The following SELENOF variants were observed in gnomAD, a reference collection of about 807,000 sequenced individuals.
SELENOF encodes selenoprotein F.
Under a neutral mutation model 20.5 loss-of-function variants are expected in SELENOF, and 16 were observed. That is an observed-to-expected ratio of 0.78 (90% CI 0.53 to 1.19). The LOEUF (loss-of-function observed/expected upper bound fraction) is 1.19, where lower values mean the gene tolerates loss of function less well. Ranked by LOEUF, SELENOF falls within the 50% of genes most tolerant of loss-of-function variation. SELENOF has a pLI of 0.00. For synonymous variants in SELENOF, 78 were observed against 74.5 expected (o/e 1.05, Z -0.24); for missense variants, 215 against 194.2 (o/e 1.11, Z -0.64).
intron 1 of SELENOF, among the ~76,000 whole-genome samples, chr1:86,903,794 A>G (rs1171264464): frequency 6.6e-6 from 1 of 152,012 alleles, no homozygotes; most frequent in Non-Finnish European, 1.5e-5. Flanking sequence ...GGGGGCCACG[A>G]TGGTCTTGAT....
At position 86,868,035 on chromosome 1, in the gene SELENOF, C is replaced by T; in HGVS notation, c.366+18G>A. 1 of 1,257,808 alleles carries T rather than the reference C, an allele frequency of 8.0e-7. No homozygotes were observed. The highest frequency in any genetic ancestry group is 1.1e-6 in the Non-Finnish European group (1 of 921,108). The allele number at this position is 1,257,808 out of a possible 1,614,324, so 77.9% of individuals were successfully genotyped here. A position where few individuals can be genotyped will look rare whatever the true frequency, so the allele number is the denominator to read the frequency against. ...AATTAAGGCTGGAAAAAAGAGATCT[C>T]CACTACAATCACCTTACCTTGATTT... On this transcript the variant is annotated intron_variant, in intron 4 of 4. Transcript: ENST00000331835.
At chr1:86,865,117 G>A (rs897709244) in intron 4 of SELENOF, among the ~76,000 whole-genome samples, 1 of 152,180 alleles carries the variant, frequency 6.6e-6, no homozygotes, top group Admixed American at 6.5e-5. Context: ...CCAGCAATGT[G>A]TATAAGGAAT....
chr1:86,873,655 A>G (rs1249178282), intron 3 of SELENOF, among the ~76,000 whole-genome samples: 1 of 152,108 alleles, frequency 6.6e-6, no homozygotes, highest in Non-Finnish European at 1.5e-5. Context: ...GTTCGAGACC[A>G]GCCTGACCAC....
At chr1:86,900,452 G>A (rs1036080039) in intron 2 of SELENOF, among the ~76,000 whole-genome samples, 2 of 152,236 alleles carry the variant, frequency 1.3e-5, no homozygotes, top group Non-Finnish European at 2.9e-5. Flanking sequence ...GTCAGGCGTG[G>A]CGGCACGCGC....
intron 1 of SELENOF, 43 bp from the exon 2 acceptor site, chr1:86,903,491 T>C: frequency 1.3e-6 from 2 of 1,498,470 alleles, no homozygotes; most frequent in Non-Finnish European, 1.8e-6. Context: ...TCCATATTTA[T>C]ACTACAAAGC....
intron 3 of SELENOF, among the ~76,000 whole-genome samples, chr1:86,871,168 A>G (rs1487556156): frequency 6.6e-6 from 1 of 152,244 alleles, no homozygotes; most frequent in Non-Finnish European, 1.5e-5. Flanking sequence ...GCATTCGATA[A>G]GCTACATGAG....
intron 2 of SELENOF, among the ~76,000 whole-genome samples, chr1:86,882,866 C>T (rs1420035798): frequency 6.6e-6 from 1 of 152,214 alleles, no homozygotes; most frequent in Non-Finnish European, 1.5e-5. Context: ...TGGCTCACGC[C>T]TGTAATTCCA....
chr1:86,883,125 C>CA (rs34608814), intron 2 of SELENOF, among the ~76,000 whole-genome samples: 1,576 of 95,982 alleles, frequency 0.016, 21 homozygotes, highest in African/African-American at 0.03. Flanking sequence ...AGACTTGTCT[C>CA]AAAAAAAAAA....
intron 4 of SELENOF, among the ~76,000 whole-genome samples, chr1:86,864,555 A>G (rs1296440065): frequency 1.3e-5 from 2 of 152,058 alleles, no homozygotes; most frequent in African/African-American, 4.8e-5. Flanking sequence ...TATATTCCCA[A>G]CCCATTTGTG....
intron 3 of SELENOF, among the ~76,000 whole-genome samples, chr1:86,870,726 C>T (rs939626027): frequency 6.6e-6 from 1 of 152,134 alleles, no homozygotes; most frequent in African/African-American, 2.4e-5. Context: ...TCACGCCATT[C>T]TCCTGCCTCA....
At chr1:86,909,563 G>A (rs1320010121) in intron 1 of SELENOF, among the ~76,000 whole-genome samples, 1 of 152,078 alleles carries the variant, frequency 6.6e-6, no homozygotes, top group Non-Finnish European at 1.5e-5. Flanking sequence ...CACAACGAAG[G>A]GAATATAAAA....
At chr1:86,901,210 G>A (rs1186427598) in intron 2 of SELENOF, among the ~76,000 whole-genome samples, 1 of 152,118 alleles carries the variant, frequency 6.6e-6, no homozygotes, top group Non-Finnish European at 1.5e-5. Flanking sequence ...CCAGAGTTGA[G>A]TGACACAGAA....
chr1:86,907,999 A>G (rs766912807), intron 1 of SELENOF, among the ~76,000 whole-genome samples: 1,349 of 94,358 alleles, frequency 0.014, 22 homozygotes, highest in African/African-American at 0.077. Context: ...AAAAAAAAAC[A>G]AAAAAAAAAA....
At chr1:86,900,463 C>T (rs1453807954) in intron 2 of SELENOF, among the ~76,000 whole-genome samples, 1 of 152,196 alleles carries the variant, frequency 6.6e-6, no homozygotes, top group Non-Finnish European at 1.5e-5. Context: ...CGGCACGCGC[C>T]TGCAATCGCA....
chr1:86,867,864 T>C (rs1658650281), intron 4 of SELENOF, among the ~76,000 whole-genome samples, 189 bp downstream of exon 4: 1 of 152,054 alleles, frequency 6.6e-6, no homozygotes, highest in African/African-American at 2.4e-5. Flanking sequence ...TTCATAAACC[T>C]AAAAGTGCTC....
chr1:86,864,429 G>A (rs1216482109), intron 4 of SELENOF, among the ~76,000 whole-genome samples: 1 of 152,216 alleles, frequency 6.6e-6, no homozygotes, highest in Non-Finnish European at 1.5e-5. Flanking sequence ...TAGTTCGGCA[G>A]TGATGACAGA....
At chr1:86,909,522 G>C (rs1457118557) in intron 1 of SELENOF, among the ~76,000 whole-genome samples, 1 of 152,198 alleles carries the variant, frequency 6.6e-6, no homozygotes, top group East Asian at 1.9e-4. Context: ...TTACGCTTCA[G>C]AGGGATTTAA....
At chr1:86,892,289 T>C (rs1659406861) in intron 2 of SELENOF, among the ~76,000 whole-genome samples, 1 of 152,218 alleles carries the variant, frequency 6.6e-6, no homozygotes, top group Non-Finnish European at 1.5e-5. Flanking sequence ...GATTCTTACA[T>C]TGAATGTGAA....
chr1:86,903,394 A>G lies in SELENOF; in HGVS notation c.139T>C (p.Ser47Pro), dbSNP rs780445760. ...SSEACRELGF[S>P]SNLLCSSCDL... ...CAAGAGCTGCAAAGCAAGTTGCTAG[A>G]AAAGCCTAACTCTCTGCATGCCTCC... The change falls in exon 2 of 5, where the codon TCT (serine) becomes CCT (proline). Residue 47 changes from serine (S) to proline (P), a missense_variant. By Grantham distance (74) the Ser-to-Pro change is moderately conservative (BLOSUM62 -1). Transcript: ENST00000331835. The G allele has an allele frequency of 6.2e-6, 10 of 1,611,932 alleles. No homozygotes were observed. The highest frequency in any genetic ancestry group is 8.5e-7 in the Non-Finnish European group (1 of 1,179,034).
Sources: allele counts gnomAD v4.1 joint callset (sites outside exome capture counted in the v4.1 genomes callset), GRCh38; gene constraint gnomAD v4.1.1; transcripts MANE v1.5; gene names NCBI Gene and HGNC (gene_info 2026-07-23, HGNC 2026-07-21).